The following RAB38 variants were observed in gnomAD, a reference collection of about 807,000 sequenced individuals.
The protein encoded by RAB38 is RAB38, member RAS oncogene family.
In RAB38, 15 loss-of-function variants were observed where a neutral mutation model predicts 18.4. That is an observed-to-expected ratio of 0.82 (90% CI 0.55 to 1.26). The LOEUF (loss-of-function observed/expected upper bound fraction) is 1.26. Among genes scored for constraint, RAB38 ranks in the 50% most tolerant of loss-of-function variants. RAB38 has a pLI of 0.00. For missense variants in RAB38, 294 were observed against 267.4 expected (o/e 1.10, Z -0.69); for synonymous variants, 101 against 104.4 (o/e 0.97, Z 0.20).
chr11:88,049,259 G>A, the RAB38 span, among the ~76,000 whole-genome samples: 1 of 152,146 alleles, frequency 6.6e-6, no homozygotes, highest in Non-Finnish European at 1.5e-5. Flanking sequence ...CACATCCCCT[G>A]TGACCTGCAC....
chr11:87,976,128 A>G, the RAB38 span, among the ~76,000 whole-genome samples: 1,213 of 149,122 alleles, frequency 8.1e-3, 12 homozygotes, highest in Non-Finnish European at 0.013. Flanking sequence ...AAATATATAT[A>G]TGTGTGTGTG....
the RAB38 span, among the ~76,000 whole-genome samples, chr11:88,057,611 T>A: frequency 1.3e-5 from 2 of 152,340 alleles, no homozygotes; most frequent in East Asian, 3.9e-4. Flanking sequence ...TTAACTCCTG[T>A]ATTAAAGCAT....
intron 2 of RAB38, among the ~76,000 whole-genome samples, chr11:88,139,855 T>C (rs1217394266): frequency 1.3e-5 from 2 of 152,236 alleles, no homozygotes; most frequent in African/African-American, 2.4e-5. Flanking sequence ...AGGCCTGGTC[T>C]CACCAATGAA....
chr11:88,126,785 T>C (rs1378276562), intron 2 of RAB38, among the ~76,000 whole-genome samples: 2 of 152,126 alleles, frequency 1.3e-5, no homozygotes, highest in Non-Finnish European at 2.9e-5. Flanking sequence ...CCATAACCTC[T>C]CTCTCAGCCT....
chr11:88,032,876 G>A, the RAB38 span, among the ~76,000 whole-genome samples: 2 of 152,068 alleles, frequency 1.3e-5, no homozygotes, highest in African/African-American at 4.8e-5. Flanking sequence ...CCCATTACTG[G>A]GTATATACCC....
the RAB38 span, among the ~76,000 whole-genome samples, chr11:88,065,803 G>A: frequency 6.6e-6 from 1 of 152,262 alleles, no homozygotes; most frequent in South Asian, 2.1e-4. Context: ...GCACAAGAAG[G>A]CATTTCTCAG....
At chr11:87,855,401 A>G in the RAB38 span, among the ~76,000 whole-genome samples, 32 of 152,194 alleles carry the variant, frequency 2.1e-4, no homozygotes, top group Middle Eastern at 6.8e-3. Flanking sequence ...GTGGACCTCT[A>G]TTGGCTTACT....
At chr11:87,895,744 C>A in the RAB38 span, among the ~76,000 whole-genome samples, 1 of 151,502 alleles carries the variant, frequency 6.6e-6, no homozygotes, top group Non-Finnish European at 1.5e-5. Flanking sequence ...AATTTGAAAA[C>A]CCACTTTGTG....
At chr11:88,010,310 A>C in the RAB38 span, among the ~76,000 whole-genome samples, 2 of 152,190 alleles carry the variant, frequency 1.3e-5, no homozygotes, top group African/African-American at 4.8e-5. Flanking sequence ...TTCTTAAAGC[A>C]CTAGAATTCC....
chr11:88,016,847 T>C, the RAB38 span, among the ~76,000 whole-genome samples: 1 of 152,028 alleles, frequency 6.6e-6, no homozygotes, highest in Non-Finnish European at 1.5e-5. Flanking sequence ...TTTGCAAAAT[T>C]TATTCAAAAC....
the RAB38 span, among the ~76,000 whole-genome samples, chr11:87,889,296 G>T: frequency 6.6e-6 from 1 of 151,854 alleles, no homozygotes; most frequent in African/African-American, 2.4e-5. Flanking sequence ...AAACAAGAAT[G>T]CTTGCAATGA....
chr11:88,076,058 A>C, the RAB38 span, among the ~76,000 whole-genome samples: 2 of 151,646 alleles, frequency 1.3e-5, no homozygotes, highest in Non-Finnish European at 2.9e-5. Context: ...GATCAAAAAA[A>C]CTGAAAAGTT....
intron 2 of RAB38, among the ~76,000 whole-genome samples, chr11:88,144,216 C>T (rs374726208): frequency 2.4e-4 from 37 of 152,242 alleles, no homozygotes; most frequent in African/African-American, 7.5e-4. Context: ...CTAAGTATAA[C>T]GAGCTCAAAT....
chr11:87,872,556 G>A, the RAB38 span, among the ~76,000 whole-genome samples: 72 of 151,414 alleles, frequency 4.8e-4, no homozygotes, highest in Non-Finnish European at 1.0e-3. Context: ...TATGGTATCA[G>A]AAAAGTTTCA....
intron 1 of RAB38, chr11:88,166,573 C>A (rs1943247472): frequency 6.6e-6 from 1 of 152,002 alleles, no homozygotes; most frequent in African/African-American, 2.4e-5. Flanking sequence ...GGTTTTAATT[C>A]TGTAAAATTA....
At chr11:87,810,176 A>AT in the RAB38 span, among the ~76,000 whole-genome samples, 1 of 152,080 alleles carries the variant, frequency 6.6e-6, no homozygotes, top group Non-Finnish European at 1.5e-5. Flanking sequence ...CTATTTTCCT[A>AT]TTTTTTGTTG....
At chr11:87,926,027 A>T in the RAB38 span, among the ~76,000 whole-genome samples, 2 of 151,858 alleles carry the variant, frequency 1.3e-5, no homozygotes, top group Non-Finnish European at 2.9e-5. Context: ...CTACCAATTC[A>T]AATCCTACTC....
At chr11:87,837,110 C>T in the RAB38 span, among the ~76,000 whole-genome samples, 1 of 152,122 alleles carries the variant, frequency 6.6e-6, no homozygotes, top group African/African-American at 2.4e-5. Flanking sequence ...GCCAAGTGAC[C>T]ACTGTGAGCA....
At chr11:88,028,564 G>A in the RAB38 span, among the ~76,000 whole-genome samples, 18 of 152,260 alleles carry the variant, frequency 1.2e-4, no homozygotes, top group East Asian at 3.9e-4. Context: ...GCCAAGGCTC[G>A]AAAACTACAT....
Sources: allele counts gnomAD v4.1 joint callset (sites outside exome capture counted in the v4.1 genomes callset), GRCh38; gene constraint gnomAD v4.1.1; transcripts MANE v1.5; gene names NCBI Gene and HGNC (gene_info 2026-07-23, HGNC 2026-07-21).